Variants in FOXO1 observed in about 807,000 individuals in gnomAD.
The protein encoded by FOXO1 is forkhead box O1, also known as forkhead box protein O1.
A neutral mutation model predicts 44.1 loss-of-function variants in FOXO1; 6 were observed. The ratio of observed to expected loss-of-function variants is 0.14; its 90% confidence interval spans 0.07 to 0.27. FOXO1 has a LOEUF of 0.27. Ranked by LOEUF, FOXO1 falls within the 10% of genes least tolerant of loss-of-function variation. FOXO1 has a pLI of 1.00. For synonymous variants in FOXO1, 380 were observed against 362.7 expected (o/e 1.05, Z -0.54); for missense variants, 737 against 888.8 (o/e 0.83, Z 2.17).
In FOXO1 at chr13:40,640,292, AG is replaced by A. The variant is rs372211825; in HGVS notation, c.630+25290del. On this transcript the variant is annotated intron_variant, in intron 1 of 2. Transcript: ENST00000379561. ...TTAAAGGATAAGGAAAGGGAAAGGG[AG>A]GGACGATGAACATTATTTGGAAGCA... is the stretch of plus-strand genomic sequence containing the variant. Among the ~76,000 whole-genome samples, 26 of 152,336 alleles carry A rather than the reference AG, an allele frequency of 1.7e-4. 1 individual carries two copies. In the East Asian group the frequency reaches 4.4e-3, roughly 26 times the overall value.
intron 1 of FOXO1, among the ~76,000 whole-genome samples, chr13:40,654,546 G>A (rs1309155212): frequency 6.6e-6 from 1 of 151,150 alleles, no homozygotes; most frequent in African/African-American, 2.4e-5. Flanking sequence ...ACATCATCTA[G>A]GGAGAAAAAT....
chr13:40,597,421 G>A (rs1875622594), intron 1 of FOXO1, among the ~76,000 whole-genome samples: 4 of 152,170 alleles, frequency 2.6e-5, no homozygotes, highest in Admixed American at 2.6e-4. Flanking sequence ...AATCACCTAT[G>A]TAATTCAACT....
At chr13:40,651,075 GTTT>G (rs1178857740) in intron 1 of FOXO1, among the ~76,000 whole-genome samples, 2 of 137,870 alleles carry the variant, frequency 1.5e-5, no homozygotes, top group Admixed American at 1.5e-4. Context: ...GCACTGCCTA[GTTT>G]TTTTGGTTTT....
intron 1 of FOXO1, chr13:40,618,746 GTCTAGA>G (rs901777867): frequency 2.3e-5 from 11 of 481,382 alleles, no homozygotes; most frequent in African/African-American, 4.0e-5. Context: ...GGATGAATCA[GTCTAGA>G]TCTAGATCAG....
intron 1 of FOXO1, among the ~76,000 whole-genome samples, chr13:40,651,846 T>C (rs1877698649): frequency 6.6e-6 from 1 of 152,084 alleles, no homozygotes; most frequent in Non-Finnish European, 1.5e-5. Context: ...AGTATGGGAA[T>C]CTTTCAAATT....
intron 1 of FOXO1, among the ~76,000 whole-genome samples, chr13:40,570,811 T>C (rs1395187299): frequency 1.3e-5 from 2 of 152,192 alleles, no homozygotes; most frequent in African/African-American, 2.4e-5. Flanking sequence ...TACCATTCAA[T>C]ACTATGGGCT....
chr13:40,654,661 A>T (rs1046331209), intron 1 of FOXO1, among the ~76,000 whole-genome samples: 1 of 152,194 alleles, frequency 6.6e-6, no homozygotes, highest in African/African-American at 2.4e-5. Context: ...GGAAATTTCT[A>T]TATGTGGCTG....
chr13:40,661,858 A>G (rs1031438394), intron 1 of FOXO1, among the ~76,000 whole-genome samples: 2 of 152,162 alleles, frequency 1.3e-5, no homozygotes, highest in Non-Finnish European at 2.9e-5. Flanking sequence ...ATCACTCCCA[A>G]TTAAAGATTT....
intron 1 of FOXO1, among the ~76,000 whole-genome samples, chr13:40,652,759 A>T (rs1877726506): frequency 1.3e-5 from 2 of 152,220 alleles, no homozygotes; most frequent in South Asian, 4.1e-4. Context: ...GCTTCTAGCT[A>T]AACCATATGC....
intron 1 of FOXO1, among the ~76,000 whole-genome samples, chr13:40,613,310 C>T (rs766508855): frequency 6.6e-6 from 1 of 152,080 alleles, no homozygotes; most frequent in Non-Finnish European, 1.5e-5. Flanking sequence ...CTTCCTGAGG[C>T]ACATAAGGAT....
chr13:40,569,629 TAAG>T (rs1874405094), intron 1 of FOXO1, among the ~76,000 whole-genome samples: 1 of 152,222 alleles, frequency 6.6e-6, no homozygotes, highest in African/African-American at 2.4e-5. Flanking sequence ...TTCTCCCTGT[TAAG>T]AAAATTTTAA....
intron 1 of FOXO1, among the ~76,000 whole-genome samples, chr13:40,652,551 T>G (rs1204295719): frequency 2.0e-5 from 3 of 152,218 alleles, no homozygotes; most frequent in Admixed American, 2.0e-4. Flanking sequence ...CTGATGATTC[T>G]GCAAATTAAA....
intron 1 of FOXO1, among the ~76,000 whole-genome samples, chr13:40,644,835 C>A (rs1259950049): frequency 6.6e-6 from 1 of 152,198 alleles, no homozygotes; most frequent in East Asian, 1.9e-4. Context: ...TCCATGGTCT[C>A]ATATTCTCTA....
At chr13:40,627,021 A>G (rs963308703) in intron 1 of FOXO1, among the ~76,000 whole-genome samples, 1 of 152,210 alleles carries the variant, frequency 6.6e-6, no homozygotes, top group Non-Finnish European at 1.5e-5. Context: ...GCCCTTTCCC[A>G]GTTTTATCTT....
chr13:40,603,353 CAAAAAAA>C (rs60741629), intron 1 of FOXO1, among the ~76,000 whole-genome samples: 7 of 73,976 alleles, frequency 9.5e-5, no homozygotes, highest in African/African-American at 2.4e-4. Context: ...CAGATGAATC[CAAAAAAA>C]AAAAAAAAAA....
At chr13:40,659,761 C>G (rs564007874) in intron 1 of FOXO1, among the ~76,000 whole-genome samples, 28 of 152,232 alleles carry the variant, frequency 1.8e-4, no homozygotes, top group African/African-American at 6.5e-4. Context: ...GGTGCTTAAC[C>G]TACAAGTTGA....
At chr13:40,616,384 G>A (rs1876424459) in intron 1 of FOXO1, among the ~76,000 whole-genome samples, 1 of 152,192 alleles carries the variant, frequency 6.6e-6, no homozygotes, top group Admixed American at 6.5e-5. Context: ...AAAGATGTAT[G>A]AAGGACAGAG....
chr13:40,588,384 T>A (rs530369381), intron 1 of FOXO1, among the ~76,000 whole-genome samples: 27 of 152,338 alleles, frequency 1.8e-4, no homozygotes, highest in African/African-American at 6.5e-4. Flanking sequence ...ATTCCCTGCC[T>A]ACCTTTTCTT....
chr13:40,575,535 T>C (rs1162503143), intron 1 of FOXO1, among the ~76,000 whole-genome samples: 1 of 152,226 alleles, frequency 6.6e-6, no homozygotes, highest in East Asian at 1.9e-4. Context: ...TTTTTGTCAC[T>C]GGAAAATCTG....
Sources: gnomAD v4.1 joint callset for allele counts (sites outside exome capture counted in the v4.1 genomes callset) on GRCh38, gnomAD v4.1.1 for gene constraint, MANE v1.5 for transcripts, NCBI Gene and HGNC (gene_info 2026-07-23, HGNC 2026-07-21) for gene names.